The following DCC variants were observed in gnomAD, a reference collection of about 807,000 sequenced individuals.
The protein encoded by DCC is DCC netrin 1 receptor, also known as netrin receptor DCC.
Under a neutral mutation model 172.5 loss-of-function variants are expected in DCC, and 58 were observed. The ratio of observed to expected loss-of-function variants is 0.34; its 90% CI spans 0.27 to 0.42. The LOEUF (loss-of-function observed/expected upper bound fraction) is 0.42. Ranked by LOEUF, DCC falls within the 10% of genes least tolerant of loss-of-function variation. The probability of loss-of-function intolerance (pLI) is 1.00; values close to 1 mark genes in which losing one functional copy is unlikely to be tolerated. For synonymous variants in DCC, 709 were observed against 644.5 expected, an observed-to-expected ratio of 1.10 and a Z score of -1.52; for missense variants, 1,740 against 1,791.0, an observed-to-expected ratio of 0.97 and a Z score of 0.51.
At chr18:53,149,704 G>T (rs112158901) in intron 7 of DCC, among the ~76,000 whole-genome samples, 1,756 of 152,236 alleles carry the variant, frequency 0.012, 47 homozygotes, top group African/African-American at 0.04. Context: ...ATATTGGTTG[G>T]CCAGTTTATC....
At chr18:53,452,386 C>T (rs1017889170) in intron 23 of DCC, among the ~76,000 whole-genome samples, 1 of 152,134 alleles carries the variant, frequency 6.6e-6, no homozygotes, top group Non-Finnish European at 1.5e-5. Context: ...TGGGTTCCCC[C>T]CCGCCCCGTG....
At chr18:52,801,028 T>A (rs1313208794) in intron 2 of DCC, among the ~76,000 whole-genome samples, 6 of 152,148 alleles carry the variant, frequency 3.9e-5, no homozygotes, top group African/African-American at 1.4e-4. Flanking sequence ...TGGAATTGTT[T>A]GCATTGAAAT....
intron 7 of DCC, among the ~76,000 whole-genome samples, chr18:53,117,381 G>A (rs1361591960): frequency 6.6e-6 from 1 of 151,700 alleles, no homozygotes; most frequent in East Asian, 1.9e-4. Context: ...AAGGAGAATA[G>A]GACAGAAGGA....
At chr18:52,608,709 G>C (rs1275197252) in intron 1 of DCC, among the ~76,000 whole-genome samples, 1 of 152,146 alleles carries the variant, frequency 6.6e-6, no homozygotes, top group Non-Finnish European at 1.5e-5. Context: ...TGCCATTTCT[G>C]TCATGTCTAG....
intron 7 of DCC, among the ~76,000 whole-genome samples, chr18:53,072,383 C>T (rs1330934261): frequency 6.6e-6 from 1 of 152,088 alleles, no homozygotes; most frequent in Non-Finnish European, 1.5e-5. Context: ...GGGAGCAAGG[C>T]AGGAACAAAT....
chr18:52,757,869 G>T (rs1157366425), intron 2 of DCC, among the ~76,000 whole-genome samples: 3 of 151,998 alleles, frequency 2.0e-5, no homozygotes, highest in Non-Finnish European at 4.4e-5. Flanking sequence ...GCCAGAGATT[G>T]GGACTTAGAT....
In DCC at chr18:52,486,969, T is replaced by C. The variant is rs144857349; in HGVS notation, c.91+146091T>C. 8.7e-4 allele frequency among the ~76,000 whole-genome samples: 132 copies of C among 152,306 alleles called. 2 individuals carry two copies. In the East Asian group the frequency reaches 0.016, roughly 18 times the overall value. ...AAGAAAAACTCTTTTAGGCAGAATG[T>C]AGTTTCAAATTTTAGACTTAGAATG... On this transcript the variant is annotated intron_variant, in intron 1 of 28. Coordinates refer to ENST00000442544, the MANE Select transcript of DCC (RefSeq NM_005215.4).
At chr18:52,420,439 C>A (rs2144431886) in intron 1 of DCC, among the ~76,000 whole-genome samples, 1 of 152,262 alleles carries the variant, frequency 6.6e-6, no homozygotes, top group East Asian at 1.9e-4. Flanking sequence ...CAGTCTCCTA[C>A]ACCAGAATAC....
chr18:52,712,688 C>T (rs532092127), intron 1 of DCC, among the ~76,000 whole-genome samples: 115 of 152,330 alleles, frequency 7.5e-4, no homozygotes, highest in African/African-American at 2.5e-3. Flanking sequence ...CTGAAACACT[C>T]ATGTTGGCAT....
At chr18:53,250,895 A>G (rs141310673) in intron 12 of DCC, among the ~76,000 whole-genome samples, 381 of 151,868 alleles carry the variant, frequency 2.5e-3, no homozygotes, top group Admixed American at 5.3e-3. Context: ...TCATTTTCCT[A>G]AACCTGTTCT....
chr18:52,399,611 G>A lies in DCC; in HGVS notation c.91+58733G>A, dbSNP rs183646039. ...GGCTTTTCTTGCCTGTTGAATCTCT[G>A]CTTCATCCTCAAGGCCCACCTCAGT... is the stretch of plus-strand genomic sequence containing the variant. On this transcript the variant is annotated intron_variant, in intron 1 of 28. Transcript: ENST00000442544. Among the ~76,000 whole-genome samples, 5 of 151,900 alleles carry A rather than the reference G, an allele frequency of 3.3e-5. 1 individual carries two copies. Among genetic ancestry groups the A allele is most frequent in the Admixed American group, 3.3e-4 (5 of 15,224 alleles).
chr18:53,111,691 C>T (rs552811098), intron 7 of DCC, among the ~76,000 whole-genome samples: 1 of 151,708 alleles, frequency 6.6e-6, no homozygotes, highest in South Asian at 2.1e-4. Context: ...AGCATTTATG[C>T]TAATGGGATA....
intron 2 of DCC, among the ~76,000 whole-genome samples, chr18:52,786,408 C>CAA (rs150177586): frequency 0.043 from 6,569 of 152,132 alleles, 218 homozygotes; most frequent in South Asian, 0.16. Flanking sequence ...GATTTAATGA[C>CAA]ATGTATGATA....
intron 1 of DCC, among the ~76,000 whole-genome samples, chr18:52,517,250 A>G (rs138669030): frequency 3.3e-5 from 5 of 152,282 alleles, no homozygotes; most frequent in Admixed American, 2.0e-4. Flanking sequence ...GAAGTCCAAC[A>G]TTTTCATCTT....
intron 5 of DCC, among the ~76,000 whole-genome samples, chr18:52,927,076 T>C (rs9963220): frequency 0.12 from 7,720 of 66,536 alleles, 1,938 homozygotes; most frequent in Non-Finnish European, 0.16. Flanking sequence ...CACACATATA[T>C]GTGTATATAC....
intron 2 of DCC, among the ~76,000 whole-genome samples, chr18:52,887,955 C>A (rs904930302): frequency 2.6e-5 from 4 of 152,060 alleles, no homozygotes; most frequent in African/African-American, 9.7e-5. Flanking sequence ...TGGGTTTAGC[C>A]TTTGAAAGAA....
At chr18:53,226,156 A>G (rs1263772279) in intron 12 of DCC, among the ~76,000 whole-genome samples, 6 of 152,126 alleles carry the variant, frequency 3.9e-5, no homozygotes, top group Non-Finnish European at 8.8e-5. Context: ...GGTCATTTGG[A>G]CACAATGTTT....
chr18:53,129,810 G>T (rs1181461503), intron 7 of DCC, among the ~76,000 whole-genome samples: 1 of 152,108 alleles, frequency 6.6e-6, no homozygotes, highest in Non-Finnish European at 1.5e-5. Context: ...TTCACAGACA[G>T]ATCTTTGTTA....
At chr18:53,062,652 A>G (rs181573275) in intron 5 of DCC, among the ~76,000 whole-genome samples, 28 of 152,306 alleles carry the variant, frequency 1.8e-4, no homozygotes, top group Non-Finnish European at 3.1e-4. Context: ...TTTCCATCAT[A>G]GAGTAACTAG....
Sources: allele counts gnomAD v4.1 joint callset (sites outside exome capture counted in the v4.1 genomes callset), GRCh38; gene constraint gnomAD v4.1.1; transcripts MANE v1.5; gene names NCBI Gene and HGNC (gene_info 2026-07-23, HGNC 2026-07-21).